The following AHCYL1 variants were observed in gnomAD, a reference collection of about 807,000 sequenced individuals.
AHCYL1 encodes S-adenosylhomocysteine hydrolase-like protein 1.
AHCYL1 carries 20 observed loss-of-function variants against 79.3 expected under a neutral mutation model. That is an observed-to-expected ratio of 0.25 (90% CI 0.18 to 0.37). The LOEUF (loss-of-function observed/expected upper bound fraction) is 0.37, where lower values mean the gene tolerates loss of function less well. Ranked by LOEUF, AHCYL1 falls within the 10% of genes least tolerant of loss-of-function variation. The pLI, the probability that AHCYL1 is intolerant of heterozygous loss-of-function variation, is 1.00. For synonymous variants in AHCYL1, 223 were observed against 242.2 expected, an observed-to-expected ratio of 0.92 and a Z score of 0.74; for missense variants, 330 against 673.6, an observed-to-expected ratio of 0.49 and a Z score of 5.65.
chr1:110,018,928 T>C (rs866116667), intron 13 of AHCYL1, 123 bp from the exon 14 acceptor site: 16 of 932,746 alleles, frequency 1.7e-5, no homozygotes, highest in South Asian at 8.3e-5. Context: ...GATCTGGAAC[T>C]GTAATTCTTC....
At chr1:110,004,431 C>A in intron 1 of AHCYL1, 1 of 985,386 alleles carries the variant, frequency 1.0e-6, no homozygotes, top group Non-Finnish European at 1.2e-6. Flanking sequence ...GATTGATTCC[C>A]TTGAGATAAG....
Position 110,012,879 on chromosome 1 carries a change from T to C in AHCYL1, c.478-18T>C. The C allele has an allele frequency of 6.3e-7, 1 of 1,598,294 alleles. No individual in the cohort carries two copies. Among genetic ancestry groups the C allele is most frequent in the Non-Finnish European group, 8.5e-7 (1 of 1,173,444 alleles). On this transcript the variant is annotated intron_variant, in intron 4 of 16. Transcript: ENST00000369799. The stretch of plus-strand genomic sequence containing the variant: ...GGCCCTTCTCTTCCTCACCCTGTCT[T>C]CCTACACTTCTACACAGGTGTTGAT...
intron 5 of AHCYL1, among the ~76,000 whole-genome samples, chr1:110,013,861 C>T (rs1009341168): frequency 1.1e-4 from 16 of 144,190 alleles, no homozygotes; most frequent in African/African-American, 2.9e-4. Context: ...AGTGCAATGG[C>T]GCAGTCTCGG....
At chr1:109,987,290 C>G (rs1649517679) in intron 1 of AHCYL1, among the ~76,000 whole-genome samples, 1 of 152,156 alleles carries the variant, frequency 6.6e-6, no homozygotes, top group African/African-American at 2.4e-5. Context: ...AGACTTAAGT[C>G]ACTTTTGTAC....
At chr1:110,017,713 C>G (rs1570891446) in intron 10 of AHCYL1, 130 bp downstream of exon 10, 2 of 1,070,988 alleles carry the variant, frequency 1.9e-6, no homozygotes, top group South Asian at 3.1e-5. Flanking sequence ...CTGCTCTGTT[C>G]TTCTCACTCT....
At chr1:109,991,928 T>A (rs1257779985) in intron 1 of AHCYL1, among the ~76,000 whole-genome samples, 1 of 152,238 alleles carries the variant, frequency 6.6e-6, no homozygotes, top group Non-Finnish European at 1.5e-5. Context: ...ACTAATTGTA[T>A]TAAGGTGAAC....
intron 1 of AHCYL1, among the ~76,000 whole-genome samples, chr1:109,993,402 C>T (rs1045745371): frequency 2.0e-5 from 3 of 152,236 alleles, no homozygotes; most frequent in Admixed American, 6.5e-5. Context: ...GGGCAAAGAC[C>T]GTATCTCACA....
At chr1:109,985,836 TC>T (rs1237166292) in intron 1 of AHCYL1, among the ~76,000 whole-genome samples, 1 of 152,166 alleles carries the variant, frequency 6.6e-6, no homozygotes. Context: ...CACTTAGGCA[TC>T]CCTGGAGAAA....
intron 15 of AHCYL1, among the ~76,000 whole-genome samples, 162 bp from the exon 16 acceptor site, chr1:110,020,569 G>T (rs540164224): frequency 1.1e-3 from 162 of 149,810 alleles, no homozygotes; most frequent in African/African-American, 3.8e-3. Context: ...CAGCTTTGAG[G>T]TTTTTTTTTT....
intron 1 of AHCYL1, among the ~76,000 whole-genome samples, chr1:109,991,532 G>T (rs1237833742): frequency 6.6e-6 from 1 of 152,164 alleles, no homozygotes; most frequent in African/African-American, 2.4e-5. Flanking sequence ...ACTGCTCTCT[G>T]TTCCATGCTG....
At chr1:109,997,767 CAT>C (rs1277632760) in intron 1 of AHCYL1, among the ~76,000 whole-genome samples, 1 of 152,168 alleles carries the variant, frequency 6.6e-6, no homozygotes, top group African/African-American at 2.4e-5. Flanking sequence ...GGTTGGAGCA[CAT>C]AGAGTCCTGT....
At chr1:109,998,133 A>G (rs1650118835) in intron 1 of AHCYL1, among the ~76,000 whole-genome samples, 1 of 152,216 alleles carries the variant, frequency 6.6e-6, no homozygotes, top group Non-Finnish European at 1.5e-5. Flanking sequence ...TGCCTAAGCT[A>G]GAGAATATAA....
At position 110,023,340 on chromosome 1, in the gene AHCYL1, C is replaced by T. The variant is rs17025347; in HGVS notation, c.*1660C>T. On this transcript the variant is annotated 3_prime_UTR_variant, in exon 17 of 17. Coordinates refer to ENST00000369799, the MANE Select transcript of AHCYL1 (RefSeq NM_006621.7). ...CTCCTTGCCAGTGTGACCATGCTTT[C>T]TTCTCTGTAGATGTTAACAGTTAAG... 0.011 allele frequency: 1,688 copies of T among 152,706 alleles called. 18 individuals are homozygous for T. The highest frequency in any genetic ancestry group is 0.042 in the South Asian group (205 of 4,830). The allele number at this position is 152,706 out of a possible 1,614,324, so 9.5% of individuals were successfully genotyped here.
chr1:110,018,201 G>A (rs1368403145), intron 11 of AHCYL1, among the ~76,000 whole-genome samples, 172 bp from the exon 12 acceptor site: 1 of 152,078 alleles, frequency 6.6e-6, no homozygotes, highest in Non-Finnish European at 1.5e-5. Context: ...TTTTTATACT[G>A]CTTGATCTGA....
Position 110,016,675 on chromosome 1 carries a change from G to A in AHCYL1, c.908G>A (p.Arg303Lys). Reference sequence around the variant, plus strand: ...CTTGTCTGTTTCCACAGCCTGAAGAGGACCACAGATGTGATGTTTGGTGGG... The same window carrying A: ...CTTGTCTGTTTCCACAGCCTGAAGAAGACCACAGATGTGATGTTTGGTGGG... ...CRESILDGLK[R>K]TTDVMFGGKQ... Residue 303 changes from arginine (R) to lysine (K), a missense_variant, in exon 9 of 17, where the codon AGG (arginine) becomes AAG (lysine). By Grantham distance (26) the Arg-to-Lys change is conservative (BLOSUM62 2). This residue lies in a region of AHCYL1 where 119 missense variants were observed against 293.3 expected (regional missense o/e 0.41). Coordinates refer to ENST00000369799, the MANE Select transcript of AHCYL1 (RefSeq NM_006621.7). 6.2e-7 allele frequency: 1 copy of A among 1,614,162 alleles called. No individual in the cohort carries two copies. Among genetic ancestry groups the A allele is most frequent in the South Asian group, 1.1e-5 (1 of 91,080 alleles).
chr1:109,998,997 GA>G (rs151060186), intron 1 of AHCYL1, among the ~76,000 whole-genome samples: 4 of 151,474 alleles, frequency 2.6e-5, no homozygotes, highest in Non-Finnish European at 4.4e-5. Context: ...TTACAAAAAA[GA>G]AAAAAAAGAT....
chr1:110,014,628 G>C (rs1038963687), intron 5 of AHCYL1, 135 bp from the exon 6 acceptor site: 1 of 593,638 alleles, frequency 1.7e-6, no homozygotes, highest in African/African-American at 1.9e-5. Flanking sequence ...GTGATTCTTT[G>C]ACTTTTGGCT....
chr1:110,016,566 A>G (rs896913216), intron 8 of AHCYL1, 101 bp from the exon 9 acceptor site: 76 of 1,570,836 alleles, frequency 4.8e-5, no homozygotes, highest in Middle Eastern at 1.7e-4. Flanking sequence ...CCAGCTTCCA[A>G]TTGATATTCT....
chr1:109,992,108 C>T (rs982548942), intron 1 of AHCYL1, among the ~76,000 whole-genome samples: 1 of 152,040 alleles, frequency 6.6e-6, no homozygotes, highest in South Asian at 2.1e-4. Flanking sequence ...AGAGACCTAC[C>T]ATAAAAGTTA....
Sources: allele counts gnomAD v4.1 joint callset (sites outside exome capture counted in the v4.1 genomes callset), GRCh38; gene constraint gnomAD v4.1.1; regional missense constraint gnomAD v4.1.1; transcripts MANE v1.5; gene names NCBI Gene and HGNC (gene_info 2026-07-23, HGNC 2026-07-21).